VRK2: variants seen among roughly 807,000 people sequenced by gnomAD.
The protein encoded by VRK2 is serine/threonine-protein kinase VRK2.
A neutral mutation model predicts 57.6 loss-of-function variants in VRK2; 60 were observed. The observed-to-expected ratio is 1.04, with a 90% confidence interval of 0.85 to 1.29. VRK2 has a LOEUF of 1.29. Ranked by LOEUF, VRK2 falls within the 50% of genes most tolerant of loss-of-function variation. The pLI, the probability that VRK2 is intolerant of heterozygous loss-of-function variation, is 0.00. For synonymous variants in VRK2, 231 were observed against 199.2 expected (o/e 1.16, Z -1.35); for missense variants, 705 against 588.1 (o/e 1.20, Z -2.06).
intron 12 of VRK2, chr2:58,154,733 A>G (rs537935505): frequency 1.4e-6 from 1 of 716,412 alleles, no homozygotes; most frequent in East Asian, 2.7e-5. Context: ...ATCTTGGTGT[A>G]TTTTCTTCCC....
intron 1 of VRK2, among the ~76,000 whole-genome samples, chr2:57,938,359 C>A (rs993672231): frequency 6.6e-6 from 1 of 152,094 alleles, no homozygotes; most frequent in Non-Finnish European, 1.5e-5. Context: ...AAGACACAGT[C>A]TTGGAAATCT....
intron 11 of VRK2, 34 bp downstream of exon 11, chr2:58,139,866 C>T (rs374761078): frequency 1.3e-6 from 2 of 1,550,450 alleles, no homozygotes; most frequent in Non-Finnish European, 1.7e-6. Context: ...CCTATGATTA[C>T]CTTCTATGAT....
At chr2:57,982,991 G>A (rs1407568981) in intron 1 of VRK2, among the ~76,000 whole-genome samples, 2 of 152,146 alleles carry the variant, frequency 1.3e-5, no homozygotes, top group African/African-American at 2.4e-5. Flanking sequence ...CATGGACCAC[G>A]CCACACTTAC....
chr2:58,054,632 A>T (rs1212194602), intron 2 of VRK2, among the ~76,000 whole-genome samples: 2 of 152,178 alleles, frequency 1.3e-5, no homozygotes, highest in Admixed American at 1.3e-4. Context: ...TCTATATCAG[A>T]TAAATGAGAA....
At chr2:57,921,300 ACACACACACACT>A (rs1553360335) in intron 1 of VRK2, among the ~76,000 whole-genome samples, 1 of 151,484 alleles carries the variant, frequency 6.6e-6, no homozygotes, top group African/African-American at 2.4e-5. Context: ...ACACACACAC[ACACACACACACT>A]CACACACACA....
intron 3 of VRK2, among the ~76,000 whole-genome samples, chr2:58,036,537 C>T (rs1428543327): frequency 5.9e-5 from 9 of 151,792 alleles, no homozygotes; most frequent in Admixed American, 5.9e-4. Context: ...CTGAGATAAC[C>T]CAATGTAATC....
intron 10 of VRK2, among the ~76,000 whole-genome samples, chr2:58,137,125 G>GTATATATCATATATATCATGTGTTTA (rs1680346100): frequency 5.2e-5 from 1 of 19,294 alleles, no homozygotes; most frequent in East Asian, 1.9e-3. Context: ...TCATATATGT[G>GTATATATCATATATATCATGTGTTTA]TATATATCAT....
At chr2:58,030,621 T>C (rs1674083110) in intron 2 of VRK2, among the ~76,000 whole-genome samples, 1 of 151,996 alleles carries the variant, frequency 6.6e-6, no homozygotes, top group Non-Finnish European at 1.5e-5. Context: ...TATACTAGCT[T>C]GAAATTCACT....
chr2:58,102,127 C>G (rs1415521037), intron 7 of VRK2, among the ~76,000 whole-genome samples: 1 of 151,444 alleles, frequency 6.6e-6, no homozygotes, highest in Non-Finnish European at 1.5e-5. Context: ...ATGATTATTT[C>G]CTTGCAGAAA....
At chr2:57,931,054 A>G (rs1670707415) in intron 1 of VRK2, among the ~76,000 whole-genome samples, 1 of 152,078 alleles carries the variant, frequency 6.6e-6, no homozygotes, top group African/African-American at 2.4e-5. Flanking sequence ...ATCAAGGGAC[A>G]ATTAAGTTGC....
At position 58,159,774 on chromosome 2, in the gene VRK2, C is replaced by T. The variant is rs769382342; in HGVS notation, c.*81C>T. The T allele has an allele frequency of 1.2e-6, 2 of 1,613,018 alleles. No homozygotes were observed. The highest frequency in any genetic ancestry group is 1.7e-5 in the Admixed American group (1 of 59,950). ...ATGTTGTATTCTTATTTCAGTGTTT[C>T]CTTCCAGACATTTTTAAGGTAATTG... On this transcript the variant is annotated 3_prime_UTR_variant, in exon 13 of 13. Coordinates refer to ENST00000340157, the MANE Select transcript of VRK2 (RefSeq NM_006296.7).
Position 58,038,050 on chromosome 2 carries a change from A to G in VRK2, c.-6+4497A>G, listed in dbSNP as rs143823723. 3.4e-3 allele frequency among the ~76,000 whole-genome samples: 515 copies of G among 152,232 alleles called. 8 individuals are homozygous for G. Among genetic ancestry groups the G allele is most frequent in the African/African-American group, 0.012 (491 of 41,546 alleles). On this transcript the variant is annotated intron_variant, in intron 3 of 15. Coordinates refer to the VRK2 transcript ENST00000417641. Reference sequence around the variant, plus strand: ...ACACCCCAAAATATGCCACTTTGATATAAGGATGATTTGGAGCTGAAAGCA... The same window carrying G: ...ACACCCCAAAATATGCCACTTTGATGTAAGGATGATTTGGAGCTGAAAGCA...
chr2:58,087,461 T>G (rs1671789297), intron 5 of VRK2, among the ~76,000 whole-genome samples: 2 of 152,028 alleles, frequency 1.3e-5, no homozygotes, highest in South Asian at 4.2e-4. Context: ...AAAAGTAAGA[T>G]GGAGAAAATA....
chr2:58,129,511 C>G (rs1320626363), intron 8 of VRK2, among the ~76,000 whole-genome samples: 1 of 151,712 alleles, frequency 6.6e-6, no homozygotes, highest in Non-Finnish European at 1.5e-5. Flanking sequence ...AAGCAACTTT[C>G]AAATTAAAAA....
chr2:57,927,913 G>T (rs536045644), intron 1 of VRK2, among the ~76,000 whole-genome samples: 1 of 152,284 alleles, frequency 6.6e-6, no homozygotes, highest in South Asian at 2.1e-4. Flanking sequence ...GCTGCCAGAT[G>T]TATTGAAGTT....
chr2:58,089,823 G>T (rs903124905), intron 7 of VRK2, 100 bp downstream of exon 7: 1 of 743,288 alleles, frequency 1.3e-6, no homozygotes, highest in Non-Finnish European at 2.3e-6. Context: ...AAATGAGGGC[G>T]TAACATGATG....
At chr2:57,997,239 T>A (rs1053608030) in intron 1 of VRK2, among the ~76,000 whole-genome samples, 3 of 152,138 alleles carry the variant, frequency 2.0e-5, no homozygotes, top group African/African-American at 7.2e-5. Flanking sequence ...TACATAGTTA[T>A]AATGATAACT....
upstream of VRK2, chr2:58,046,798 G>T: frequency 2.0e-6 from 2 of 985,618 alleles, no homozygotes; most frequent in Non-Finnish European, 2.4e-6. Flanking sequence ...TAGGCCCGGG[G>T]GCTCCGCCTC....
intron 1 of VRK2, among the ~76,000 whole-genome samples, chr2:57,912,913 T>C (rs889208042): frequency 2.0e-5 from 3 of 152,124 alleles, no homozygotes; most frequent in African/African-American, 7.2e-5. Flanking sequence ...TGAATGGAAT[T>C]AGTGCTCTTA....
Sources: allele counts gnomAD v4.1 joint callset (sites outside exome capture counted in the v4.1 genomes callset), GRCh38; gene constraint gnomAD v4.1.1; transcripts MANE v1.5; gene names NCBI Gene and HGNC (gene_info 2026-07-23, HGNC 2026-07-21).